VTI1A: variants seen among roughly 807,000 people sequenced by gnomAD.
VTI1A encodes the protein vesicle transport through interaction with t-SNAREs 1A, also known as vesicle transport through interaction with t-SNAREs homolog 1A.
VTI1A carries 22 observed loss-of-function variants against 34.9 expected under a neutral mutation model. That is an observed-to-expected ratio of 0.63 (90% CI 0.45 to 0.90). The LOEUF (loss-of-function observed/expected upper bound fraction) is 0.90, where lower values mean the gene tolerates loss of function less well. Ranked by LOEUF, VTI1A falls within the 40% of genes least tolerant of loss-of-function variation. The pLI, the probability that VTI1A is intolerant of heterozygous loss-of-function variation, is 0.00. For missense variants in VTI1A, 268 were observed against 275.6 expected (o/e 0.97, Z 0.20); for synonymous variants, 87 against 97.3 (o/e 0.89, Z 0.62).
chr10:112,805,337 T>C (rs1336283327), intron 7 of VTI1A, among the ~76,000 whole-genome samples: 1 of 152,214 alleles, frequency 6.6e-6, no homozygotes, highest in Non-Finnish European at 1.5e-5. Flanking sequence ...TTCAAAATTA[T>C]ACAACTCAGA....
intron 7 of VTI1A, among the ~76,000 whole-genome samples, chr10:112,792,751 G>T (rs1183111922): frequency 6.6e-6 from 1 of 152,160 alleles, no homozygotes; most frequent in Non-Finnish European, 1.5e-5. Flanking sequence ...TTTAAAAGAG[G>T]GGAAAGGTGG....
intron 7 of VTI1A, among the ~76,000 whole-genome samples, chr10:112,810,502 C>A (rs989334233): frequency 2.0e-5 from 3 of 151,882 alleles, no homozygotes; most frequent in African/African-American, 7.3e-5. Context: ...CTTAGGTTGG[C>A]TTCCCTCAAT....
rs111769746 is a variant in VTI1A, at chr10:112,643,569, TA to T, written c.428-24639del. On this transcript the variant is annotated intron_variant, in intron 5 of 7. Transcript: ENST00000393077. ...GTTATATCTTATGAGTCTGTTAGGT[TA>T]AAAAAAAAATTATCCTTTTTTTGCT... is the stretch of plus-strand genomic sequence containing the variant. 9.2e-4 allele frequency among the ~76,000 whole-genome samples: 138 copies of T among 150,186 alleles called. 1 individual carries two copies. The highest frequency in any genetic ancestry group is 3.3e-4 in the Non-Finnish European group (22 of 67,290).
At chr10:112,650,042 A>T (rs1401281322) in intron 5 of VTI1A, among the ~76,000 whole-genome samples, 2 of 152,212 alleles carry the variant, frequency 1.3e-5, no homozygotes, top group Non-Finnish European at 1.5e-5. Context: ...ATTTATTTTT[A>T]AAATGTTTTT....
chr10:112,590,069 G>C (rs113670184), intron 5 of VTI1A, among the ~76,000 whole-genome samples: 2 of 152,272 alleles, frequency 1.3e-5, no homozygotes, highest in African/African-American at 4.8e-5. Context: ...GTACTCAGAA[G>C]ATGAACTCAG....
At chr10:112,716,393 C>T (rs1394320587) in intron 7 of VTI1A, among the ~76,000 whole-genome samples, 7 of 152,074 alleles carry the variant, frequency 4.6e-5, no homozygotes, top group African/African-American at 1.7e-4. Flanking sequence ...TAATCCATGT[C>T]GCTCTCCCAA....
chr10:112,533,690 G>C, intron 4 of VTI1A: 1 of 395,444 alleles, frequency 2.5e-6, no homozygotes, highest in Non-Finnish European at 3.5e-6. Context: ...ATATTGTTCA[G>C]AAATCTTTTC....
intron 5 of VTI1A, among the ~76,000 whole-genome samples, chr10:112,547,393 A>G (rs1207257946): frequency 2.0e-5 from 3 of 152,074 alleles, no homozygotes; most frequent in African/African-American, 7.2e-5. Flanking sequence ...CCTGACCAAC[A>G]TGGTGAAACC....
intron 7 of VTI1A, among the ~76,000 whole-genome samples, chr10:112,742,053 T>C (rs753039374): frequency 1.3e-5 from 2 of 152,184 alleles, no homozygotes; most frequent in Non-Finnish European, 2.9e-5. Context: ...AAGAAACGAA[T>C]AGGAAATCCT....
intron 4 of VTI1A, among the ~76,000 whole-genome samples, chr10:112,527,860 TC>T (rs750612645): frequency 6.6e-6 from 1 of 152,036 alleles, no homozygotes; most frequent in Non-Finnish European, 1.5e-5. Context: ...GTGTCATGAG[TC>T]TAATTAATGT....
intron 7 of VTI1A, among the ~76,000 whole-genome samples, chr10:112,670,678 A>G (rs1269407290): frequency 2.0e-5 from 3 of 152,208 alleles, no homozygotes; most frequent in Admixed American, 6.5e-5. Context: ...GGCTTTCTGT[A>G]GGGAAATCAT....
At chr10:112,533,160 C>T (rs908386868) in intron 4 of VTI1A, among the ~76,000 whole-genome samples, 1 of 152,042 alleles carries the variant, frequency 6.6e-6, no homozygotes, top group Non-Finnish European at 1.5e-5. Flanking sequence ...CTTGTATATA[C>T]AAAACCTCTT....
At chr10:112,615,149 A>G (rs918855063) in intron 5 of VTI1A, among the ~76,000 whole-genome samples, 2 of 152,224 alleles carry the variant, frequency 1.3e-5, no homozygotes, top group Admixed American at 1.3e-4. Context: ...GTGGCAGTCC[A>G]TGATATTGAC....
chr10:112,486,207 A>G (rs1848621149), intron 3 of VTI1A, among the ~76,000 whole-genome samples: 1 of 152,198 alleles, frequency 6.6e-6, no homozygotes, highest in Non-Finnish European at 1.5e-5. Flanking sequence ...TGTGACAGCA[A>G]TGGGGTGGAC....
chr10:112,463,596 G>A (rs1406866010), intron 2 of VTI1A, among the ~76,000 whole-genome samples: 1 of 150,834 alleles, frequency 6.6e-6, no homozygotes, highest in Admixed American at 6.6e-5. Context: ...CTTCTGTGTT[G>A]TATCCAAAGT....
At chr10:112,540,109 T>C (rs1177029815) in intron 5 of VTI1A, among the ~76,000 whole-genome samples, 3 of 152,304 alleles carry the variant, frequency 2.0e-5, no homozygotes, top group African/African-American at 7.2e-5. Flanking sequence ...CTTTGGTTGA[T>C]TGGGCTACAT....
rs1330449301 is a variant in VTI1A, at chr10:112,520,647, G to GTGTATA, written c.265-6439_265-6438insGTATAT. On this transcript the variant is annotated intron_variant, in intron 3 of 7. Transcript: ENST00000393077. ...TGTGTGTGTGTGTGTGTGTGTGTGT[G>GTGTATA]TATATATATATATATATATATATAT... 2.9e-4 allele frequency among the ~76,000 whole-genome samples: 37 copies of GTGTATA among 128,986 alleles called. No homozygotes were observed. The Middle Eastern group carries it at 0.012, about 41-fold the overall frequency. The allele number at this position is 128,986 out of a possible 152,430, so 84.6% of individuals were successfully genotyped here.
At chr10:112,546,064 G>GTGTGTGCATATACGTGTATACGCGTA (rs2134279832) in intron 5 of VTI1A, among the ~76,000 whole-genome samples, 2 of 132,936 alleles carry the variant, frequency 1.5e-5, no homozygotes, top group South Asian at 2.4e-4. Flanking sequence ...ATACGCGTAT[G>GTGTGTGCATATACGTGTATACGCGTA]TGTGTGTATA....
intron 7 of VTI1A, among the ~76,000 whole-genome samples, chr10:112,808,730 T>C (rs1853179355): frequency 6.6e-6 from 1 of 152,108 alleles, no homozygotes; most frequent in South Asian, 2.1e-4. Context: ...AGTGTGACTC[T>C]TCAGGTTTCA....
Sources: allele counts gnomAD v4.1 joint callset (sites outside exome capture counted in the v4.1 genomes callset), GRCh38; gene constraint gnomAD v4.1.1; transcripts MANE v1.5; gene names NCBI Gene and HGNC (gene_info 2026-07-23, HGNC 2026-07-21).